The following UBE2K variants were observed in gnomAD, a reference collection of about 807,000 sequenced individuals.
The protein encoded by UBE2K is ubiquitin conjugating enzyme E2 K, also known as ubiquitin-conjugating enzyme E2 K.
In UBE2K, 6 loss-of-function variants were observed where a neutral mutation model predicts 30.0. The ratio of observed to expected loss-of-function variants is 0.20; its 90% confidence interval spans 0.11 to 0.39. The LOEUF is 0.39. Among genes scored for constraint, UBE2K ranks in the 10% least tolerant of loss-of-function variants. The pLI is 1.00. For missense variants in UBE2K, 61 were observed against 241.6 expected (o/e 0.25, Z 4.96); for synonymous variants, 86 against 83.7 (o/e 1.03, Z -0.15).
intron 3 of UBE2K, among the ~76,000 whole-genome samples, chr4:39,750,172 C>T (rs1408366559): frequency 1.3e-5 from 2 of 151,880 alleles, no homozygotes; most frequent in African/African-American, 2.4e-5. Flanking sequence ...CCAGCCTGGA[C>T]GACAGAGTGA....
At chr4:39,721,576 T>C (rs1319798712) in intron 1 of UBE2K, among the ~76,000 whole-genome samples, 1 of 152,096 alleles carries the variant, frequency 6.6e-6, no homozygotes, top group African/African-American at 2.4e-5. Flanking sequence ...AGGCTGGTCT[T>C]GAACTCCTGG....
chr4:39,730,468 G>A (rs1160319678), intron 1 of UBE2K, among the ~76,000 whole-genome samples: 5 of 152,054 alleles, frequency 3.3e-5, no homozygotes, highest in Non-Finnish European at 7.4e-5. Context: ...TTACAGGTGT[G>A]ATTTAAAAAA....
At chr4:39,706,072 C>A (rs555230368) in intron 1 of UBE2K, among the ~76,000 whole-genome samples, 1 of 152,270 alleles carries the variant, frequency 6.6e-6, no homozygotes, top group African/African-American at 2.4e-5. Flanking sequence ...AGTGCAGTGG[C>A]GCTATCTCAG....
chr4:39,765,665 C>G (rs920120246), intron 4 of UBE2K, among the ~76,000 whole-genome samples: 2 of 150,964 alleles, frequency 1.3e-5, no homozygotes, highest in Non-Finnish European at 2.9e-5. Flanking sequence ...ACCAAAAATA[C>G]AAAAACGTTA....
intron 2 of UBE2K, 69 bp downstream of exon 2, chr4:39,737,582 A>AT (rs1322825819): frequency 1.0e-6 from 1 of 974,086 alleles, no homozygotes; most frequent in African/African-American, 1.7e-5. Context: ...AATCAGAATA[A>AT]TCTTAAACAT....
rs1326726937 is a variant in UBE2K, at chr4:39,763,462, G to C, written c.299+7723G>C. 2.0e-5 allele frequency among the ~76,000 whole-genome samples: 3 copies of C among 152,102 alleles called. No homozygotes were observed. The East Asian group carries it at 5.8e-4, about 30-fold the overall frequency. On this transcript the variant is annotated intron_variant, in intron 4 of 6. Transcript: ENST00000261427. ...GACGGGGTTTCTCCATGTTGGTCAG[G>C]CTGGTCTCGAACTCCCAACCTCGGA...
intron 1 of UBE2K, among the ~76,000 whole-genome samples, chr4:39,716,602 G>A (rs1251410890): frequency 3.3e-5 from 5 of 152,152 alleles, no homozygotes; most frequent in Admixed American, 1.3e-4. Flanking sequence ...AGCTTAAGCC[G>A]GTAATCCCAG....
At chr4:39,751,608 G>C (rs1448177066) in intron 3 of UBE2K, among the ~76,000 whole-genome samples, 1 of 152,176 alleles carries the variant, frequency 6.6e-6, no homozygotes, top group Non-Finnish European at 1.5e-5. Context: ...TCAGGAGCTC[G>C]AGGATGCAGT....
At chr4:39,764,045 T>A (rs1712148958) in intron 4 of UBE2K, among the ~76,000 whole-genome samples, 1 of 152,234 alleles carries the variant, frequency 6.6e-6, no homozygotes, top group Non-Finnish European at 1.5e-5. Context: ...ATTATTGAAC[T>A]AATTTTCTTA....
chr4:39,712,368 ATTTTT>A (rs60301036), intron 1 of UBE2K, among the ~76,000 whole-genome samples: 2,004 of 53,646 alleles, frequency 0.037, 51 homozygotes, highest in Middle Eastern at 0.079. Flanking sequence ...CGCCCGGCCA[ATTTTT>A]TTTTTTTTTT....
intron 2 of UBE2K, among the ~76,000 whole-genome samples, chr4:39,738,511 G>A (rs1274596207): frequency 6.6e-6 from 1 of 152,040 alleles, no homozygotes; most frequent in African/African-American, 2.4e-5. Context: ...TTTTTTATAT[G>A]CAAAGTTTTA....
At chr4:39,746,031 C>CA (rs1224679542) in intron 3 of UBE2K, among the ~76,000 whole-genome samples, 1 of 151,864 alleles carries the variant, frequency 6.6e-6, no homozygotes, top group Non-Finnish European at 1.5e-5. Flanking sequence ...TGGCTCAAAA[C>CA]TGGAATAGGA....
At chr4:39,721,248 A>G (rs889667779) in intron 1 of UBE2K, among the ~76,000 whole-genome samples, 1 of 152,176 alleles carries the variant, frequency 6.6e-6, no homozygotes, top group Non-Finnish European at 1.5e-5. Flanking sequence ...ACAACTAGCC[A>G]TGTAGAGGGT....
At chr4:39,741,974 A>G (rs780304702) in intron 2 of UBE2K, among the ~76,000 whole-genome samples, 2 of 152,186 alleles carry the variant, frequency 1.3e-5, no homozygotes, top group Non-Finnish European at 2.9e-5. Flanking sequence ...TGATCAAATA[A>G]TGCTATGATT....
At chr4:39,769,884 CT>C (rs1712646600) in intron 4 of UBE2K, among the ~76,000 whole-genome samples, 1 of 152,190 alleles carries the variant, frequency 6.6e-6, no homozygotes, top group Admixed American at 6.5e-5. Context: ...CCCGCTCCAG[CT>C]TCTTGCACTC....
At chr4:39,700,710 A>C (rs1295633303) in intron 1 of UBE2K, among the ~76,000 whole-genome samples, 1 of 152,148 alleles carries the variant, frequency 6.6e-6, no homozygotes, top group Non-Finnish European at 1.5e-5. Flanking sequence ...CACTTTACCG[A>C]AGTTTATTTC....
In UBE2K at chr4:39,757,011, G is replaced by GTTTTTTTTTTT. The variant is rs1354761879; in HGVS notation, c.299+1278_299+1279insTTTTTTTTTTT. Among the ~76,000 whole-genome samples the GTTTTTTTTTTT allele has an allele frequency of 6.4e-4, 49 of 76,814 alleles. 2 individuals carry two copies. Among genetic ancestry groups the GTTTTTTTTTTT allele is most frequent in the East Asian group, 2.0e-3 (4 of 2,012 alleles). The allele number at this position is 76,814 out of a possible 152,430, so 50.4% of individuals were successfully genotyped here. A position where few individuals can be genotyped will look rare whatever the true frequency, so the allele number is the denominator to read the frequency against. ...ATGTTTTTTTGGGTGTTTTTTTTTT[G>GTTTTTTTTTTT]TTTTTTGTTTTTTGTTTTTTGTTTT... On this transcript the variant is annotated intron_variant, in intron 4 of 6. Transcript: ENST00000261427.
chr4:39,742,021 G>A (rs561147412), intron 2 of UBE2K, among the ~76,000 whole-genome samples: 2 of 152,128 alleles, frequency 1.3e-5, no homozygotes, highest in Admixed American at 6.5e-5. Flanking sequence ...TTGTCAGAGC[G>A]TGTAACATAA....
intron 4 of UBE2K, among the ~76,000 whole-genome samples, chr4:39,767,053 G>C (rs368340119): frequency 6.6e-6 from 1 of 152,080 alleles, no homozygotes; most frequent in Non-Finnish European, 1.5e-5. Context: ...ATGCGGCCAG[G>C]AGTTTTTAAC....
Sources: allele counts gnomAD v4.1 joint callset (sites outside exome capture counted in the v4.1 genomes callset), GRCh38; gene constraint gnomAD v4.1.1; transcripts MANE v1.5; gene names NCBI Gene and HGNC (gene_info 2026-07-23, HGNC 2026-07-21).